RAD51AP2: variants seen among roughly 807,000 people sequenced by gnomAD.
The protein encoded by RAD51AP2 is RAD51-associated protein 2.
RAD51AP2 carries 67 observed loss-of-function variants against 85.5 expected under a neutral mutation model. That is an observed-to-expected ratio of 0.78 (90% CI 0.64 to 0.96). RAD51AP2 has a LOEUF of 0.96. Ranked by LOEUF, RAD51AP2 falls within the 40% of genes least tolerant of loss-of-function variation. RAD51AP2 has a pLI of 0.00. For missense variants in RAD51AP2, 1,307 were observed against 1,332.4 expected (o/e 0.98, Z 0.30); for synonymous variants, 474 against 446.5 (o/e 1.06, Z -0.78).
At position 17,517,866 on chromosome 2, in the gene RAD51AP2, C is replaced by G; in HGVS notation, c.550G>C (p.Asp184His). Residue 184 changes from aspartate to histidine, a missense_variant, in exon 1 of 3, where the codon GAC becomes CAC. This residue lies in a region of RAD51AP2 where 635 missense variants were observed against 643.6 expected (regional missense o/e 0.99). Transcript: ENST00000399080. ...AATGGATTTTCTTTGTGAACATTGT[C>G]TCTTCCTTGGACAAACTGTTGTTTT... Reference protein sequence around the residue: ...NRKQQFVQGRDNVHKENPFLD... With the variant: ...NRKQQFVQGRHNVHKENPFLD... 6.2e-7 allele frequency: 1 copy of G among 1,614,120 alleles called. No individual in the cohort carries two copies. The highest frequency in any genetic ancestry group is 8.5e-7 in the Non-Finnish European group (1 of 1,179,980).
upstream of RAD51AP2, among the ~76,000 whole-genome samples, chr2:17,519,505 C>T (rs1048490101): frequency 5.9e-5 from 9 of 152,092 alleles, no homozygotes; most frequent in Admixed American, 1.3e-4. Flanking sequence ...ACTACAATAA[C>T]ATGCAACCAG....
rs1662633985 is a variant in RAD51AP2, at chr2:17,515,630, T to G, written c.2786A>C (p.His929Pro). ...TTCACTCAGACCAGTTTCAAATTGA[T>G]GATTAATATATAATGCAGAGTCATT... ...RKNDSALYIN[H>P]QFETGLSEGN... is the part of the protein sequence containing the mutation. Residue 929 changes from histidine to proline, a missense_variant, in exon 1 of 3, where the codon CAT (histidine) becomes CCT (proline). Coordinates refer to ENST00000399080, the MANE Select transcript of RAD51AP2 (RefSeq NM_001099218.3). 2 of 1,612,220 alleles carry G rather than the reference T, an allele frequency of 1.2e-6. No homozygotes were observed. Among genetic ancestry groups the G allele is most frequent in the South Asian group, 1.1e-5 (1 of 90,364 alleles).
chr2:17,530,123 AT>A, the RAD51AP2 span, among the ~76,000 whole-genome samples: 2 of 152,186 alleles, frequency 1.3e-5, no homozygotes, highest in African/African-American at 4.8e-5. Context: ...TCTGGAGAAG[AT>A]TCTATCATAA....
the RAD51AP2 span, among the ~76,000 whole-genome samples, chr2:17,537,064 A>G: frequency 1.3e-5 from 2 of 152,244 alleles, no homozygotes; most frequent in African/African-American, 2.4e-5. Context: ...TCATGCCTAT[A>G]ATCTCAGCAC....
chr2:17,515,891 T>C lies in RAD51AP2; in HGVS notation c.2525A>G (p.Glu842Gly). 1 of 1,605,602 alleles carries C rather than the reference T, an allele frequency of 6.2e-7. No homozygotes were observed. Among genetic ancestry groups the C allele is most frequent in the Non-Finnish European group, 8.5e-7 (1 of 1,177,756 alleles). ...AACTTGGCAACTATTTGTTAAACTT[T>C]CAGCTGTGACTTTTACTTCCTCTTT... is the stretch of plus-strand genomic sequence containing the variant. ...ILKEEVKVTAESLTNSCQVHK... is the reference protein window; with the variant it reads ...ILKEEVKVTAGSLTNSCQVHK... The change falls in exon 1 of 3, where the codon GAA becomes GGA. Residue 842 changes from glutamate (E) to glycine (G), a missense_variant. By Grantham distance (98) the Glu-to-Gly change is moderately conservative. This residue lies in a region of RAD51AP2 where 668 missense variants were observed against 671.0 expected (regional missense o/e 1.00). Coordinates refer to ENST00000399080, the MANE Select transcript of RAD51AP2 (RefSeq NM_001099218.3).
intron 2 of RAD51AP2, among the ~76,000 whole-genome samples, chr2:17,511,568 G>T (rs1433171247): frequency 6.8e-6 from 1 of 146,924 alleles, no homozygotes; most frequent in African/African-American, 2.7e-5. Context: ...AACTTTCAGG[G>T]TTTTTTAAAT....
chr2:17,516,075 G>A lies in RAD51AP2; in HGVS notation c.2341C>T (p.His781Tyr), dbSNP rs765262432. The A allele has an allele frequency of 6.2e-7, 1 of 1,613,138 alleles. No homozygotes were observed. Among genetic ancestry groups the A allele is most frequent in the Non-Finnish European group, 8.5e-7 (1 of 1,179,640 alleles). Reference sequence around the variant, plus strand: ...ACATTGCAGAGATCTTCAAATATGTGCTCACAGTCAAAGTTACTGATCTTA... The same window carrying A: ...ACATTGCAGAGATCTTCAAATATGTACTCACAGTCAAAGTTACTGATCTTA... ...HNKISNFDCE[H>Y]IFEDLCNVRQ... The change falls in exon 1 of 3, where the codon CAC becomes TAC. Residue 781 changes from histidine to tyrosine, a missense_variant. Coordinates refer to ENST00000399080, the MANE Select transcript of RAD51AP2 (RefSeq NM_001099218.3).
At chr2:17,522,680 CCT>C (rs1479189682), upstream of RAD51AP2, among the ~76,000 whole-genome samples, 1 of 151,868 alleles carries the variant, frequency 6.6e-6, no homozygotes, top group African/African-American at 2.4e-5. Flanking sequence ...GCAAATAACA[CCT>C]TTTTTAAAAA....
chr2:17,522,671 C>A (rs1378640905), upstream of RAD51AP2, among the ~76,000 whole-genome samples: 1 of 151,896 alleles, frequency 6.6e-6, no homozygotes, highest in Non-Finnish European at 1.5e-5. Flanking sequence ...CGTGCAATTG[C>A]AAATAACACC....
chr2:17,518,795 T>A (rs976298234), upstream of RAD51AP2, among the ~76,000 whole-genome samples: 9 of 151,980 alleles, frequency 5.9e-5, no homozygotes, highest in South Asian at 2.1e-4. Context: ...AAAAAAAAAA[T>A]TTGTGAATGG....
chr2:17,514,487 C>T (rs1034423952), intron 1 of RAD51AP2, among the ~76,000 whole-genome samples: 6 of 149,874 alleles, frequency 4.0e-5, no homozygotes, highest in South Asian at 2.1e-4. Context: ...TAAGGCCTGG[C>T]GTGGTGGCTC....
At chr2:17,532,066 G>T in the RAD51AP2 span, among the ~76,000 whole-genome samples, 1 of 152,070 alleles carries the variant, frequency 6.6e-6, no homozygotes, top group Admixed American at 6.5e-5. Flanking sequence ...AAGCATATTT[G>T]CAGAAAAGAA....
At chr2:17,525,656 AT>A in the RAD51AP2 span, among the ~76,000 whole-genome samples, 1 of 151,952 alleles carries the variant, frequency 6.6e-6, no homozygotes, top group Non-Finnish European at 1.5e-5. Flanking sequence ...TTGCTTTGCA[AT>A]TTTTGCCTGA....
chr2:17,516,326 A>G lies in RAD51AP2; in HGVS notation c.2090T>C (p.Met697Thr), dbSNP rs776587003. 1 of 1,607,508 alleles carries G rather than the reference A, an allele frequency of 6.2e-7. No individual in the cohort carries two copies. The highest frequency in any genetic ancestry group is 2.2e-5 in the East Asian group (1 of 44,798). The change falls in exon 1 of 3, where the codon ATG (methionine) becomes ACG (threonine). Residue 697 changes from methionine to threonine, a missense_variant. This residue lies in a region of RAD51AP2 where 668 missense variants were observed against 671.0 expected (regional missense o/e 1.00). Transcript: ENST00000399080. ...TTCTCTTATTAAAGAAATTTCATCCATGTCATCAAAGTCCATTAAAAGGGG... is the reference window on the plus strand; with the variant it reads ...TTCTCTTATTAAAGAAATTTCATCCGTGTCATCAAAGTCCATTAAAAGGGG... ...KIPLLMDFDD[M>T]DEISLIREIT...
Position 17,515,993 on chromosome 2 carries a change from G to C in RAD51AP2, c.2423C>G (p.Thr808Ser), listed in dbSNP as rs755497056. 3 of 1,613,534 alleles carry C rather than the reference G, an allele frequency of 1.9e-6. No individual in the cohort carries two copies. The South Asian group carries it at 3.3e-5, about 18-fold the overall frequency. Residue 808 changes from threonine to serine, a missense_variant, in exon 1 of 3, where the codon ACC becomes AGC. By Grantham distance (58) the Thr-to-Ser change is moderately conservative. Transcript: ENST00000399080. ...ATTTAGTACTTGAGTTATAGAAGTG[G>C]TATGGGTCTCTTCATTATGTATTAT... is the stretch of plus-strand genomic sequence containing the variant. ...HNIIHNEETHTTSITQVLNFW... is the reference protein window; with the variant it reads ...HNIIHNEETHSTSITQVLNFW...
rs756432121 is a variant in RAD51AP2 at position 17,515,248 on chromosome 2, A to G, written c.3168T>C (p.Asn1056=). The change falls in exon 1 of 3, where the codon AAT becomes AAC. Residue 1056 remains asparagine, a synonymous_variant. Transcript: ENST00000399080. ...SLFKWKTVPN[N]GEQEVPNESC... is the part of the protein sequence containing the mutation. ...TCTCATTAGGAACTTCCTGTTCTCC[A>G]TTATTGGGTACAGTTTTCCATTTAA... 20 of 1,612,926 alleles carry G rather than the reference A, an allele frequency of 1.2e-5. No homozygotes were observed. The highest frequency in any genetic ancestry group is 1.7e-5 in the Admixed American group (1 of 59,906).
At position 17,510,851 on chromosome 2, in the gene RAD51AP2, G is replaced by A. The variant is rs1239517749; in HGVS notation, c.3433C>T (p.Pro1145Ser). 6.2e-7 allele frequency: 1 copy of A among 1,605,266 alleles called. No individual in the cohort carries two copies. Among genetic ancestry groups the A allele is most frequent in the Non-Finnish European group, 8.5e-7 (1 of 1,174,930 alleles). Residue 1145 changes from proline to serine, a missense_variant, in exon 3 of 3, where the codon CCT (proline) becomes TCT (serine). Transcript: ENST00000399080. Reference sequence around the variant, plus strand: ...CCGTAACACATTTGTTTCAGATAAGGATGAAGTTGTTTAATCCTTGCTTTT... The same window carrying A: ...CCGTAACACATTTGTTTCAGATAAGAATGAAGTTGTTTAATCCTTGCTTTT... ...SRKARIKQLH[P>S]YLKQMCYGNL...
At position 17,516,804 on chromosome 2, in the gene RAD51AP2, A is replaced by T. The variant is rs1243208248; in HGVS notation, c.1612T>A (p.Cys538Ser). 7 of 1,550,804 alleles carry T rather than the reference A, an allele frequency of 4.5e-6. No individual in the cohort carries two copies. Among genetic ancestry groups the T allele is most frequent in the Non-Finnish European group, 6.1e-6 (7 of 1,145,964 alleles). The change falls in exon 1 of 3, where the codon TGT becomes AGT. Residue 538 changes from cysteine to serine, a missense_variant. Cys to Ser is a moderately radical substitution (Grantham distance 112, BLOSUM62 -1). Coordinates refer to ENST00000399080, the MANE Select transcript of RAD51AP2 (RefSeq NM_001099218.3). ...CCAATTATACCAATTTGCTTTTTAC[A>T]CTTCAAAATGTTACAGCAGGTTAAA... Reference protein sequence around the residue: ...SILTCCNILKCKKQIGIIGIQ... With the variant: ...SILTCCNILKSKKQIGIIGIQ...
chr2:17,513,828 C>A (rs913344670), intron 2 of RAD51AP2, among the ~76,000 whole-genome samples, 184 bp downstream of exon 2: 1 of 152,124 alleles, frequency 6.6e-6, no homozygotes, highest in African/African-American at 2.4e-5. Context: ...TTCTAAATAG[C>A]ATTTTAACTG....
Sources: gnomAD v4.1 joint callset for allele counts (sites outside exome capture counted in the v4.1 genomes callset) on GRCh38, gnomAD v4.1.1 for gene constraint, gnomAD v4.1.1 regional missense constraint, MANE v1.5 for transcripts, NCBI Gene and HGNC (gene_info 2026-07-23, HGNC 2026-07-21) for gene names.